Variants in ADCK1 observed in about 807,000 individuals in gnomAD.
ADCK1 encodes the protein aarF domain containing kinase 1.
A neutral mutation model predicts 52.3 loss-of-function variants in ADCK1; 41 were observed. The ratio of observed to expected loss-of-function variants is 0.78; its 90% CI spans 0.61 to 1.02. The LOEUF (loss-of-function observed/expected upper bound fraction) is 1.02. Among genes scored for constraint, ADCK1 ranks in the 50% least tolerant of loss-of-function variants. ADCK1 has a pLI of 0.00. For missense variants in ADCK1, 658 were observed against 679.5 expected, an observed-to-expected ratio of 0.97 and a Z score of 0.35; for synonymous variants, 250 against 274.6, an observed-to-expected ratio of 0.91 and a Z score of 0.89.
chr14:77,909,038 G>A (rs968127164), intron 7 of ADCK1, among the ~76,000 whole-genome samples: 1 of 151,740 alleles, frequency 6.6e-6, no homozygotes, highest in Non-Finnish European at 1.5e-5. Flanking sequence ...GCACTGTGGA[G>A]TCACTTCAGG....
chr14:77,825,772 G>T (rs2081687228), intron 3 of ADCK1, among the ~76,000 whole-genome samples: 1 of 151,862 alleles, frequency 6.6e-6, no homozygotes, highest in South Asian at 2.1e-4. Context: ...CTCCCGAGTA[G>T]CTGGGACTAC....
At chr14:77,825,785 G>A (rs984937804) in intron 3 of ADCK1, among the ~76,000 whole-genome samples, 1 of 152,002 alleles carries the variant, frequency 6.6e-6, no homozygotes, top group Non-Finnish European at 1.5e-5. Context: ...GGGACTACAG[G>A]CACCGAAATG....
chr14:77,834,482 C>T (rs2081921264), intron 3 of ADCK1, among the ~76,000 whole-genome samples: 1 of 152,246 alleles, frequency 6.6e-6, no homozygotes, highest in Non-Finnish European at 1.5e-5. Context: ...TTCTCTTTTC[C>T]TAGCTCACAC....
At chr14:77,909,174 T>C (rs1342610081) in intron 7 of ADCK1, among the ~76,000 whole-genome samples, 1 of 150,310 alleles carries the variant, frequency 6.7e-6, no homozygotes, top group East Asian at 1.9e-4. Context: ...TTGCTCTTGT[T>C]GCCTAGGCTG....
chr14:77,803,858 C>T (rs10149227), intron 1 of ADCK1, among the ~76,000 whole-genome samples: 1,556 of 152,274 alleles, frequency 0.01, 34 homozygotes, highest in African/African-American at 0.036. Flanking sequence ...CTATCAAAGA[C>T]GTTACCTGTC....
intron 4 of ADCK1, among the ~76,000 whole-genome samples, chr14:77,883,947 G>T (rs1378825886): frequency 6.6e-6 from 1 of 152,188 alleles, no homozygotes; most frequent in Admixed American, 6.5e-5. Context: ...GGATGTGGTG[G>T]ACCAGGCTTC....
In ADCK1 at chr14:77,933,436, C is replaced by G; in HGVS notation, c.*45C>G. 4 of 1,601,304 alleles carry G rather than the reference C, an allele frequency of 2.5e-6. No homozygotes were observed. The highest frequency in any genetic ancestry group is 2.6e-6 in the Non-Finnish European group (3 of 1,170,392). On this transcript the variant is annotated 3_prime_UTR_variant, in exon 11 of 11. Transcript: ENST00000238561. ...CCCATTCTGGTGTCTTTCCACTCCT[C>G]AGCCCCTCATCTTGCCTCCACCCAG...
intron 4 of ADCK1, among the ~76,000 whole-genome samples, chr14:77,882,832 C>T (rs2083058454): frequency 6.6e-6 from 1 of 152,064 alleles, no homozygotes; most frequent in African/African-American, 2.4e-5. Flanking sequence ...CTTACTCTGC[C>T]CTTTGACTTG....
chr14:77,922,004 G>T (rs1417660088), intron 7 of ADCK1, among the ~76,000 whole-genome samples: 1 of 152,224 alleles, frequency 6.6e-6, no homozygotes, highest in Non-Finnish European at 1.5e-5. Context: ...TGGCTGCACT[G>T]CTTATCTTGG....
chr14:77,808,293 T>C (rs2081271322), intron 1 of ADCK1, among the ~76,000 whole-genome samples: 1 of 152,094 alleles, frequency 6.6e-6, no homozygotes. Flanking sequence ...AGTCACACAG[T>C]GACTGAGGGG....
intron 4 of ADCK1, among the ~76,000 whole-genome samples, chr14:77,877,492 T>A (rs966188425): frequency 2.0e-5 from 3 of 152,190 alleles, no homozygotes; most frequent in African/African-American, 7.2e-5. Flanking sequence ...AATGTGAGCC[T>A]TTGTGGCTGG....
chr14:77,831,244 C>CT (rs1444774847), intron 3 of ADCK1, among the ~76,000 whole-genome samples: 1 of 152,298 alleles, frequency 6.6e-6, no homozygotes, highest in East Asian at 1.9e-4. Context: ...TGAGCAAACT[C>CT]TGTTTCTTCT....
intron 6 of ADCK1, among the ~76,000 whole-genome samples, chr14:77,904,917 G>A (rs2083624626): frequency 6.6e-6 from 1 of 152,112 alleles, no homozygotes; most frequent in Admixed American, 6.5e-5. Context: ...GATGGAAGAA[G>A]CATAGGACAG....
At chr14:77,820,562 G>T (rs192098237) in intron 2 of ADCK1, among the ~76,000 whole-genome samples, 79 of 151,794 alleles carry the variant, frequency 5.2e-4, no homozygotes, top group South Asian at 2.5e-3. Flanking sequence ...AAACTCCTGG[G>T]CTCAAGCAAT....
chr14:77,914,341 G>A (rs960163338), intron 7 of ADCK1: 1 of 912,574 alleles, frequency 1.1e-6, no homozygotes, highest in Non-Finnish European at 1.3e-6. Context: ...TCGTGAAGGA[G>A]TAGAGTCCGT....
chr14:77,914,951 A>G (rs1294950241), intron 7 of ADCK1, among the ~76,000 whole-genome samples: 1 of 152,070 alleles, frequency 6.6e-6, no homozygotes, highest in Non-Finnish European at 1.5e-5. Context: ...CCCCCACTGT[A>G]AAAGCCATGC....
intron 4 of ADCK1, among the ~76,000 whole-genome samples, chr14:77,875,916 A>G (rs2082889055): frequency 1.3e-5 from 2 of 152,104 alleles, no homozygotes; most frequent in Admixed American, 6.5e-5. Context: ...CACTTGACCT[A>G]TGTTCCCCTC....
chr14:77,819,746 G>C (rs2081541497), intron 2 of ADCK1, among the ~76,000 whole-genome samples: 1 of 152,228 alleles, frequency 6.6e-6, no homozygotes, highest in Non-Finnish European at 1.5e-5. Flanking sequence ...CATTCCTATA[G>C]AATTGTCCCA....
intron 1 of ADCK1, among the ~76,000 whole-genome samples, chr14:77,805,498 G>C (rs1447333742): frequency 2.6e-5 from 4 of 151,954 alleles, no homozygotes; most frequent in African/African-American, 9.7e-5. Context: ...CTAACCTCAA[G>C]TGATCCACCT....
Sources: allele counts gnomAD v4.1 joint callset (sites outside exome capture counted in the v4.1 genomes callset), GRCh38; gene constraint gnomAD v4.1.1; transcripts MANE v1.5; gene names NCBI Gene and HGNC (gene_info 2026-07-23, HGNC 2026-07-21).